Variants in XYLT1 observed in about 807,000 individuals in gnomAD.
The protein encoded by XYLT1 is xylosyltransferase 1.
A neutral mutation model predicts 91.3 loss-of-function variants in XYLT1; 36 were observed. The ratio of observed to expected loss-of-function variants is 0.39; its 90% confidence interval spans 0.30 to 0.52. XYLT1 has a LOEUF of 0.52. Among genes scored for constraint, XYLT1 ranks in the 20% least tolerant of loss-of-function variants. The probability of loss-of-function intolerance (pLI) is 0.68; values close to 1 mark genes in which losing one functional copy is unlikely to be tolerated. For synonymous variants in XYLT1, 588 were observed against 532.0 expected, an observed-to-expected ratio of 1.11 and a Z score of -1.45; for missense variants, 1,242 against 1,284.5, an observed-to-expected ratio of 0.97 and a Z score of 0.51.
intron 5 of XYLT1, among the ~76,000 whole-genome samples, chr16:17,184,724 C>T (rs1193160830): frequency 1.3e-5 from 2 of 152,148 alleles, no homozygotes; most frequent in African/African-American, 4.8e-5. Context: ...TGCCTAATAT[C>T]TAGCAGAATC....
intron 1 of XYLT1, among the ~76,000 whole-genome samples, chr16:17,425,471 A>G (rs2036305836): frequency 6.6e-6 from 1 of 152,208 alleles, no homozygotes; most frequent in African/African-American, 2.4e-5. Context: ...AAGAAGGTGT[A>G]TTAGCTTTCA....
chr16:17,414,050 C>T (rs2036148424), intron 1 of XYLT1, among the ~76,000 whole-genome samples: 1 of 152,156 alleles, frequency 6.6e-6, no homozygotes, highest in African/African-American at 2.4e-5. Flanking sequence ...CCTGTGGGAA[C>T]CCCAGTAAAG....
At position 17,189,584 on chromosome 16, in the gene XYLT1, T is replaced by C. The variant is rs185306747; in HGVS notation, c.1289+8628A>G. Among the ~76,000 whole-genome samples, 743 of 152,328 alleles carry C rather than the reference T, an allele frequency of 4.9e-3. 6 individuals carry two copies. Among genetic ancestry groups the C allele is most frequent in the African/African-American group, 0.017 (710 of 41,570 alleles). On this transcript the variant is annotated intron_variant, in intron 5 of 11. Coordinates refer to ENST00000261381, the MANE Select transcript of XYLT1 (RefSeq NM_022166.4). ...GAATGCTGAGTATATTGACTGATAATTGGATAAACAGATTGTGGTACAAGT... is the reference window on the plus strand; with the variant it reads ...GAATGCTGAGTATATTGACTGATAACTGGATAAACAGATTGTGGTACAAGT...
At chr16:17,164,616 T>A (rs2031635565) in intron 5 of XYLT1, among the ~76,000 whole-genome samples, 1 of 152,204 alleles carries the variant, frequency 6.6e-6, no homozygotes, top group African/African-American at 2.4e-5. Context: ...TAAGTGGAAT[T>A]GTACAGGATT....
intron 1 of XYLT1, among the ~76,000 whole-genome samples, chr16:17,455,333 G>T (rs540704791): frequency 2.9e-4 from 44 of 152,152 alleles, no homozygotes; most frequent in African/African-American, 1.0e-3. Context: ...TTATAATAAA[G>T]TAGCTTACAA....
Position 17,138,509 on chromosome 16 carries a change from T to C in XYLT1, c.1610A>G (p.Glu537Gly). 1 of 1,613,668 alleles carries C rather than the reference T, an allele frequency of 6.2e-7. No individual in the cohort carries two copies. The highest frequency in any genetic ancestry group is 8.5e-7 in the Non-Finnish European group (1 of 1,179,996). ...PAESFFHTVL[E>G]NSPHCDTMVD... ...CATGGTGTCGCAGTGGGGGCTGTTC[T>C]CCAGGACCGTATGGAAGAAGGACTG... Residue 537 changes from glutamate (E) to glycine (G), a missense_variant, in exon 8 of 12, where the codon GAG becomes GGG. Coordinates refer to ENST00000261381, the MANE Select transcript of XYLT1 (RefSeq NM_022166.4).
intron 2 of XYLT1, among the ~76,000 whole-genome samples, chr16:17,344,736 T>C (rs1596493489): frequency 1.3e-5 from 2 of 151,902 alleles, no homozygotes; most frequent in East Asian, 3.9e-4. Flanking sequence ...GACAGGTCTC[T>C]GTCACCCAAG....
intron 9 of XYLT1, among the ~76,000 whole-genome samples, chr16:17,129,609 T>C (rs942692844): frequency 2.6e-5 from 4 of 152,150 alleles, no homozygotes; most frequent in Admixed American, 2.0e-4. Context: ...CAGGTGGTGT[T>C]TGGTTGCATG....
At chr16:17,181,277 G>A (rs773058900) in intron 5 of XYLT1, among the ~76,000 whole-genome samples, 2 of 152,216 alleles carry the variant, frequency 1.3e-5, no homozygotes, top group Non-Finnish European at 2.9e-5. Context: ...CTCTCATCAC[G>A]ATCAGACTTC....
At chr16:17,328,770 T>C (rs2034853332) in intron 2 of XYLT1, among the ~76,000 whole-genome samples, 1 of 152,048 alleles carries the variant, frequency 6.6e-6, no homozygotes, top group African/African-American at 2.4e-5. Flanking sequence ...ATGGCTGGAT[T>C]CTTCAAGGAA....
intron 2 of XYLT1, among the ~76,000 whole-genome samples, chr16:17,260,574 C>A (rs529710259): frequency 1.3e-5 from 2 of 152,082 alleles, no homozygotes; most frequent in African/African-American, 4.8e-5. Context: ...AAAAAGGTGT[C>A]GGGGCCTGAA....
At chr16:17,388,983 G>C (rs986961303) in intron 1 of XYLT1, among the ~76,000 whole-genome samples, 1 of 152,174 alleles carries the variant, frequency 6.6e-6, no homozygotes, top group South Asian at 2.1e-4. Flanking sequence ...GTAACAAATG[G>C]GAATATGCAG....
At chr16:17,393,737 G>A (rs988222689) in intron 1 of XYLT1, among the ~76,000 whole-genome samples, 17 of 151,802 alleles carry the variant, frequency 1.1e-4, no homozygotes, top group Admixed American at 1.1e-3. Flanking sequence ...AACATAGGGA[G>A]ACCCCATCTC....
intron 2 of XYLT1, among the ~76,000 whole-genome samples, chr16:17,341,336 C>T (rs964513069): frequency 6.6e-6 from 1 of 152,150 alleles, no homozygotes; most frequent in East Asian, 1.9e-4. Flanking sequence ...GAGACTGTGA[C>T]AGGTGCTGAA....
chr16:17,434,327 T>G (rs2036425426), intron 1 of XYLT1, among the ~76,000 whole-genome samples: 2 of 152,214 alleles, frequency 1.3e-5, no homozygotes, highest in African/African-American at 4.8e-5. Flanking sequence ...AATTACAGGA[T>G]TTCCTTCCAG....
chr16:17,161,675 G>GCA (rs111901583), intron 5 of XYLT1, among the ~76,000 whole-genome samples: 5 of 94,476 alleles, frequency 5.3e-5, no homozygotes, highest in Non-Finnish European at 7.7e-5. Flanking sequence ...AGTTTCTCGC[G>GCA]CGCTCTCTCT....
intron 1 of XYLT1, among the ~76,000 whole-genome samples, chr16:17,404,098 G>C (rs1364405826): frequency 2.0e-5 from 2 of 101,040 alleles, no homozygotes; most frequent in Admixed American, 1.0e-4. Context: ...TCTATGTGTG[G>C]TTGGGGGGGG....
At chr16:17,129,072 G>GAA (rs34234422) in intron 9 of XYLT1, among the ~76,000 whole-genome samples, 19,249 of 94,578 alleles carry the variant, frequency 0.2, 2,650 homozygotes, top group Non-Finnish European at 0.28. Flanking sequence ...AGGGAGCATA[G>GAA]AAAAAAAAAA....
chr16:17,379,174 C>G lies in XYLT1; in HGVS notation c.364-21124G>C, dbSNP rs1439427074. Among the ~76,000 whole-genome samples the G allele has an allele frequency of 3.9e-5, 6 of 152,256 alleles. No homozygotes were observed. In the East Asian group the frequency reaches 1.2e-3, roughly 29 times the overall value. On this transcript the variant is annotated intron_variant, in intron 1 of 11. Coordinates refer to ENST00000261381, the MANE Select transcript of XYLT1 (RefSeq NM_022166.4). Reference sequence around the variant, plus strand: ...CAGCCTAAGCAATCTTTCAAATGCTCCCCGGGCAGGCAGCCCAACCCACCA... The same window carrying G: ...CAGCCTAAGCAATCTTTCAAATGCTGCCCGGGCAGGCAGCCCAACCCACCA...
Sources: allele counts gnomAD v4.1 joint callset (sites outside exome capture counted in the v4.1 genomes callset), GRCh38; gene constraint gnomAD v4.1.1; transcripts MANE v1.5; gene names NCBI Gene and HGNC (gene_info 2026-07-23, HGNC 2026-07-21).